Variants in CCBE1 observed in about 807,000 individuals in gnomAD.
The protein encoded by CCBE1 is collagen and calcium-binding EGF domain-containing protein 1.
CCBE1 carries 37 observed loss-of-function variants against 50.0 expected under a neutral mutation model. The observed-to-expected ratio is 0.74, with a 90% CI of 0.57 to 0.97. The LOEUF (loss-of-function observed/expected upper bound fraction) is 0.97, where lower values mean the gene tolerates loss of function less well. Ranked by LOEUF, CCBE1 falls within the 50% of genes least tolerant of loss-of-function variation. The probability of loss-of-function intolerance (pLI) is 0.00; values close to 1 mark genes in which losing one functional copy is unlikely to be tolerated. For synonymous variants in CCBE1, 234 were observed against 203.7 expected (o/e 1.15, Z -1.27); for missense variants, 538 against 523.8 (o/e 1.03, Z -0.26).
At chr18:59,564,561 GT>G (rs1364211809) in intron 2 of CCBE1, among the ~76,000 whole-genome samples, 2 of 152,166 alleles carry the variant, frequency 1.3e-5, no homozygotes, top group Middle Eastern at 6.3e-3. Flanking sequence ...TACTTTCTTT[GT>G]ACCCTTCAGA....
At position 59,480,185 on chromosome 18, in the gene CCBE1, C is replaced by A. The variant is rs764388085; in HGVS notation, c.265+1G>T. 2 of 1,575,212 alleles carry A rather than the reference C, an allele frequency of 1.3e-6. No individual in the cohort carries two copies. Among genetic ancestry groups the A allele is most frequent in the Non-Finnish European group, 1.7e-6 (2 of 1,145,414 alleles). ...GACAATATCTTTTTTATATTACATA[C>A]CTTCTGGGATGCATTGTCCAAGAAC... On this transcript the variant is annotated splice_donor_variant, in intron 3 of 10. Coordinates refer to ENST00000439986, the MANE Select transcript of CCBE1 (RefSeq NM_133459.4). LOFTEE classifies it high-confidence loss of function.
intron 5 of CCBE1, among the ~76,000 whole-genome samples, chr18:59,461,400 G>A (rs934874844): frequency 3.3e-5 from 5 of 151,220 alleles, no homozygotes; most frequent in Admixed American, 2.6e-4. Context: ...GGCATGCAAC[G>A]GCCTGTCCTT....
At position 59,543,846 on chromosome 18, in the gene CCBE1, A is replaced by AAC. The variant is rs1555690343; in HGVS notation, c.213-63609_213-63608insGT. ...CGAGACTCCGTCTCAAAAAAAAAAA[A>AAC]AAAAAAAAAAAACAGAAAACACTAA... is the stretch of plus-strand genomic sequence containing the variant. On this transcript the variant is annotated intron_variant, in intron 2 of 10. Transcript: ENST00000439986. Among the ~76,000 whole-genome samples, 91 of 140,636 alleles carry AAC rather than the reference A, an allele frequency of 6.5e-4. 1 individual carries two copies. Among genetic ancestry groups the AAC allele is most frequent in the East Asian group, 2.9e-3 (14 of 4,756 alleles). The allele number at this position is 140,636 out of a possible 152,430, so 92.3% of individuals were successfully genotyped here. A position where few individuals can be genotyped will look rare whatever the true frequency, so the allele number is the denominator to read the frequency against.
chr18:59,696,354 C>G (rs1458804896), intron 2 of CCBE1: 21 of 721,004 alleles, frequency 2.9e-5, no homozygotes, highest in Non-Finnish European at 4.2e-6. Context: ...ATCCAATCTC[C>G]TTCACAGACT....
At chr18:59,436,567 A>ACCACAAGAT (rs1910167418) in intron 10 of CCBE1, among the ~76,000 whole-genome samples, 13 of 152,206 alleles carry the variant, frequency 8.5e-5, no homozygotes, top group African/African-American at 3.1e-4. Context: ...CCCATCTGTA[A>ACCACAAGAT]AACGGGGATA....
At chr18:59,560,402 G>C (rs764317852) in intron 2 of CCBE1, among the ~76,000 whole-genome samples, 3 of 152,142 alleles carry the variant, frequency 2.0e-5, no homozygotes, top group Non-Finnish European at 4.4e-5. Flanking sequence ...TGAACAATAA[G>C]AACACACGGA....
intron 2 of CCBE1, among the ~76,000 whole-genome samples, chr18:59,579,999 C>T (rs1488661542): frequency 6.6e-6 from 1 of 152,176 alleles, no homozygotes; most frequent in Non-Finnish European, 1.5e-5. Flanking sequence ...AAGAGCAAAT[C>T]ACATCTGATT....
At chr18:59,632,771 G>GTTTTA (rs3072520) in intron 2 of CCBE1, among the ~76,000 whole-genome samples, 84,442 of 150,358 alleles carry the variant, frequency 0.56, 25,596 homozygotes, top group African/African-American at 0.79. Context: ...TATTTTATTT[G>GTTTTA]TTTTATTTTA....
intron 2 of CCBE1, among the ~76,000 whole-genome samples, chr18:59,491,007 C>T (rs187630252): frequency 5.3e-5 from 8 of 152,292 alleles, no homozygotes; most frequent in African/African-American, 1.7e-4. Flanking sequence ...TCCTTGGCAG[C>T]AATATGGTTC....
chr18:59,640,920 CA>C (rs1239332519), intron 2 of CCBE1, among the ~76,000 whole-genome samples: 1 of 152,084 alleles, frequency 6.6e-6, no homozygotes, highest in Non-Finnish European at 1.5e-5. Flanking sequence ...AGTTGCAAAT[CA>C]AAACCACAAG....
intron 2 of CCBE1, among the ~76,000 whole-genome samples, chr18:59,552,717 A>T (rs1424011164): frequency 6.6e-6 from 1 of 152,262 alleles, no homozygotes; most frequent in African/African-American, 2.4e-5. Flanking sequence ...CATAATGTGA[A>T]GAGGCAGCTG....
At chr18:59,655,352 C>T (rs1253021083) in intron 2 of CCBE1, among the ~76,000 whole-genome samples, 1 of 152,216 alleles carries the variant, frequency 6.6e-6, no homozygotes, top group African/African-American at 2.4e-5. Context: ...AAGTCTTGCT[C>T]ACTGGCTGGG....
intron 2 of CCBE1, among the ~76,000 whole-genome samples, chr18:59,638,700 C>T (rs765329701): frequency 5.6e-4 from 86 of 152,238 alleles, no homozygotes; most frequent in Admixed American, 2.5e-3. Context: ...ATCACAATCA[C>T]AGGCTACCAA....
At chr18:59,633,831 A>G (rs998512691) in intron 2 of CCBE1, among the ~76,000 whole-genome samples, 6 of 152,186 alleles carry the variant, frequency 3.9e-5, no homozygotes, top group African/African-American at 1.2e-4. Context: ...GCACCCAAAC[A>G]TAAGTGACAA....
chr18:59,576,037 T>G (rs2052990235), intron 2 of CCBE1, among the ~76,000 whole-genome samples: 1 of 152,268 alleles, frequency 6.6e-6, no homozygotes, highest in Non-Finnish European at 1.5e-5. Flanking sequence ...TTTTTGCATT[T>G]GGCCTTTTTC....
At chr18:59,570,275 A>T in intron 2 of CCBE1, among the ~76,000 whole-genome samples, 1 of 152,310 alleles carries the variant, frequency 6.6e-6, no homozygotes, top group Non-Finnish European at 1.5e-5. Flanking sequence ...AGGGAGAGGA[A>T]CAATAAGGTG....
chr18:59,571,331 C>T (rs2052910943), intron 2 of CCBE1, among the ~76,000 whole-genome samples: 1 of 152,048 alleles, frequency 6.6e-6, no homozygotes, highest in South Asian at 2.1e-4. Flanking sequence ...TTTGTAGGGA[C>T]ATGGATGAAG....
chr18:59,616,575 A>C (rs897338247), intron 2 of CCBE1, among the ~76,000 whole-genome samples: 4 of 151,902 alleles, frequency 2.6e-5, no homozygotes, highest in Non-Finnish European at 4.4e-5. Context: ...CTCTTGTGAA[A>C]CTCCCCTTAG....
intron 2 of CCBE1, among the ~76,000 whole-genome samples, chr18:59,667,129 C>A (rs1181657223): frequency 1.3e-5 from 2 of 151,876 alleles, no homozygotes; most frequent in African/African-American, 4.8e-5. Context: ...AATAGCCAGG[C>A]CTGGTGGCAT....
Sources: gnomAD v4.1 joint callset for allele counts (sites outside exome capture counted in the v4.1 genomes callset) on GRCh38, gnomAD v4.1.1 for gene constraint, MANE v1.5 for transcripts, NCBI Gene and HGNC (gene_info 2026-07-23, HGNC 2026-07-21) for gene names.